DTHD1: variants seen among roughly 807,000 people sequenced by gnomAD.
DTHD1 encodes death domain containing 1.
DTHD1 carries 59 observed loss-of-function variants against 74.8 expected under a neutral mutation model. The ratio of observed to expected loss-of-function variants is 0.79; its 90% CI spans 0.64 to 0.98. DTHD1 has a LOEUF of 0.98. Ranked by LOEUF, DTHD1 falls within the 50% of genes least tolerant of loss-of-function variation. DTHD1 has a pLI of 0.00. For missense variants in DTHD1, 1,051 were observed against 1,065.4 expected (o/e 0.99, Z 0.19); for synonymous variants, 365 against 371.1 (o/e 0.98, Z 0.19).
chr4:36,338,888 T>A (rs528239355), intron 8 of DTHD1, among the ~76,000 whole-genome samples: 74 of 152,298 alleles, frequency 4.9e-4, no homozygotes, highest in African/African-American at 1.6e-3. Context: ...TTTAAATGGG[T>A]ATTCTTAAAT....
At chr4:36,335,535 A>G (rs940208262) in intron 8 of DTHD1, among the ~76,000 whole-genome samples, 2 of 152,102 alleles carry the variant, frequency 1.3e-5, no homozygotes, top group African/African-American at 4.8e-5. Context: ...CCAATAAAAT[A>G]TTTTTTACCA....
rs1001236684 is a variant in DTHD1, at chr4:36,347,168, G to C, written c.*3344G>C. Reference sequence around the variant, plus strand: ...TAAATTATGAGTTTTTAATGTCTTCGAATGTTTTAATGACTGTATAATATC... The same window carrying C: ...TAAATTATGAGTTTTTAATGTCTTCCAATGTTTTAATGACTGTATAATATC... On this transcript the variant is annotated 3_prime_UTR_variant, in exon 10 of 10. Transcript: ENST00000639862. Among the ~76,000 whole-genome samples, 4 of 151,862 alleles carry C rather than the reference G, an allele frequency of 2.6e-5. No individual in the cohort carries two copies. In the South Asian group the frequency reaches 6.2e-4, roughly 24 times the overall value.
At chr4:36,313,224 T>C (rs1284778804) in intron 7 of DTHD1, among the ~76,000 whole-genome samples, 1 of 152,144 alleles carries the variant, frequency 6.6e-6, no homozygotes. Context: ...ATAAGTACAT[T>C]CTGGAACTTT....
rs529990793 is a variant in DTHD1, at chr4:36,286,979, AT to A, written c.887+2397del. 1.9e-4 allele frequency among the ~76,000 whole-genome samples: 28 copies of A among 150,806 alleles called. 1 individual carries two copies. The highest frequency in any genetic ancestry group is 1.6e-3 in the East Asian group (8 of 5,152). ...AAGTTTTAATTTAAAAATTTTTCTTATTTTTTTTTATTTCAATAGGTTTTAG... is the reference window on the plus strand; with the variant it reads ...AAGTTTTAATTTAAAAATTTTTCTTATTTTTTTTATTTCAATAGGTTTTAG... On this transcript the variant is annotated intron_variant, in intron 2 of 9. Coordinates refer to ENST00000639862, the MANE Select transcript of DTHD1 (RefSeq NM_001170700.3).
rs1041114036 is a variant in DTHD1, at chr4:36,308,308, T to A, written c.1910T>A (p.Leu637Gln). The change falls in exon 7 of 10, where the codon CTG becomes CAG. Residue 637 changes from leucine to glutamine, a missense_variant. Transcript: ENST00000639862. ...AMLSTTACIVLSHQKDNPHRI... is the reference protein window; with the variant it reads ...AMLSTTACIVQSHQKDNPHRI... ...CTCAGCACCACTGCCTGCATAGTACTGTCTCACCAGAAGGACAATCCACAT... is the reference window on the plus strand; with the variant it reads ...CTCAGCACCACTGCCTGCATAGTACAGTCTCACCAGAAGGACAATCCACAT... 6.4e-7 allele frequency: 1 copy of A among 1,551,964 alleles called. No individual in the cohort carries two copies. The highest frequency in any genetic ancestry group is 8.7e-7 in the Non-Finnish European group (1 of 1,147,080).
intron 7 of DTHD1, among the ~76,000 whole-genome samples, chr4:36,310,431 T>G (rs948993043): frequency 6.6e-6 from 1 of 152,194 alleles, no homozygotes; most frequent in Non-Finnish European, 1.5e-5. Flanking sequence ...CACCTTCCTC[T>G]TTCTAACTGC....
At position 36,284,166 on chromosome 4, in the gene DTHD1, T is replaced by C. The variant is rs1466397362; in HGVS notation, c.462T>C (p.Asn154=). 6.5e-7 allele frequency: 1 copy of C among 1,537,174 alleles called. No individual in the cohort carries two copies. Among genetic ancestry groups the C allele is most frequent in the Non-Finnish European group, 8.7e-7 (1 of 1,146,860 alleles). ...AADIAARGEL[N]VIETATVSPT... is the part of the protein sequence containing the mutation. ...ACATTGCTGCAAGAGGGGAACTAAA[T>C]GTCATAGAAACAGCTACTGTTTCTC... Residue 154 remains asparagine, a synonymous_variant, in exon 2 of 10, where the codon AAT becomes AAC. Coordinates refer to ENST00000639862, the MANE Select transcript of DTHD1 (RefSeq NM_001170700.3).
intron 8 of DTHD1, among the ~76,000 whole-genome samples, chr4:36,318,591 T>C (rs1174424612): frequency 6.6e-6 from 1 of 151,414 alleles, no homozygotes; most frequent in Non-Finnish European, 1.5e-5. Context: ...GTTTTGCTTC[T>C]GTGCATTTTC....
chr4:36,335,205 C>G (rs1157619995), intron 8 of DTHD1, among the ~76,000 whole-genome samples: 1 of 152,014 alleles, frequency 6.6e-6, no homozygotes, highest in Non-Finnish European at 1.5e-5. Flanking sequence ...GAGACGATAT[C>G]ATCATGTGAA....
At chr4:36,290,289 T>C (rs1755986424) in intron 2 of DTHD1, 84 bp from the exon 3 acceptor site, 3 of 1,332,516 alleles carry the variant, frequency 2.3e-6, no homozygotes, top group Middle Eastern at 1.9e-4. Flanking sequence ...ACAATGTAGA[T>C]CTAGAGTCTG....
intron 8 of DTHD1, among the ~76,000 whole-genome samples, chr4:36,327,462 G>A (rs533172374): frequency 3.3e-5 from 5 of 152,184 alleles, no homozygotes; most frequent in African/African-American, 1.2e-4. Flanking sequence ...TCTTTGATTT[G>A]TTGAGCTGCT....
intron 8 of DTHD1, among the ~76,000 whole-genome samples, chr4:36,333,134 T>A (rs1172552343): frequency 6.6e-6 from 1 of 152,092 alleles, no homozygotes; most frequent in African/African-American, 2.4e-5. Context: ...TAAATATATA[T>A]GAATGTATTA....
intron 8 of DTHD1, among the ~76,000 whole-genome samples, chr4:36,321,278 T>C (rs952873797): frequency 6.6e-6 from 1 of 152,224 alleles, no homozygotes; most frequent in African/African-American, 2.4e-5. Context: ...GTTCGTGGTC[T>C]GTTAGGAACC....
chr4:36,299,291 T>G (rs1419874949), intron 5 of DTHD1, among the ~76,000 whole-genome samples: 3 of 152,208 alleles, frequency 2.0e-5, no homozygotes, highest in Non-Finnish European at 4.4e-5. Flanking sequence ...GGAGACCACC[T>G]ACCACCTTTG....
chr4:36,287,558 C>T (rs1317076963), intron 2 of DTHD1, among the ~76,000 whole-genome samples: 2 of 152,184 alleles, frequency 1.3e-5, no homozygotes, highest in East Asian at 3.8e-4. Flanking sequence ...TAAGGATTCT[C>T]CACACTGTTT....
chr4:36,335,498 A>G (rs1487358465), intron 8 of DTHD1, among the ~76,000 whole-genome samples: 2 of 152,190 alleles, frequency 1.3e-5, no homozygotes, highest in East Asian at 1.9e-4. Context: ...AGGTGCTGGG[A>G]TTATAAGCAT....
At chr4:36,329,764 AG>A (rs1758562998) in intron 8 of DTHD1, among the ~76,000 whole-genome samples, 1 of 152,234 alleles carries the variant, frequency 6.6e-6, no homozygotes, top group Admixed American at 6.5e-5. Flanking sequence ...TAATCTGAGT[AG>A]AACTCAGGTT....
In DTHD1 at chr4:36,343,787, C is replaced by T; in HGVS notation, c.2684C>T (p.Thr895Ile). 1.3e-6 allele frequency: 2 copies of T among 1,551,074 alleles called. No homozygotes were observed. The highest frequency in any genetic ancestry group is 2.4e-5 in the South Asian group (2 of 84,052). ...TTCAAGTGGGAAAATAAAGTGTTCA[C>T]TGAACCACAGCAGTGTTTTGATGTA... is the stretch of plus-strand genomic sequence containing the variant. Reference protein sequence around the residue: ...LKFKWENKVFTEPQQCFDVAP... With the variant: ...LKFKWENKVFIEPQQCFDVAP... Residue 895 changes from threonine (T) to isoleucine (I), a missense_variant, in exon 10 of 10, where the codon ACT becomes ATT. Coordinates refer to ENST00000639862, the MANE Select transcript of DTHD1 (RefSeq NM_001170700.3).
intron 8 of DTHD1, among the ~76,000 whole-genome samples, chr4:36,328,784 A>T (rs1758501466): frequency 6.6e-6 from 1 of 152,204 alleles, no homozygotes. Flanking sequence ...TAATTACTAC[A>T]CTATATCAGC....
Sources: allele counts gnomAD v4.1 joint callset (sites outside exome capture counted in the v4.1 genomes callset), GRCh38; gene constraint gnomAD v4.1.1; transcripts MANE v1.5; gene names NCBI Gene and HGNC (gene_info 2026-07-23, HGNC 2026-07-21).